Variants in RPS6KC1 observed in about 807,000 individuals in gnomAD.
RPS6KC1 encodes ribosomal protein S6 kinase C1.
In RPS6KC1, 54 loss-of-function variants were observed where a neutral mutation model predicts 103.8. The ratio of observed to expected loss-of-function variants is 0.52; its 90% CI spans 0.42 to 0.65. The LOEUF (loss-of-function observed/expected upper bound fraction) is 0.65, where lower values mean the gene tolerates loss of function less well. RPS6KC1 is among the 30% of genes least tolerant of loss of function. The pLI is 0.00. For missense variants in RPS6KC1, 1,151 were observed against 1,253.8 expected, an observed-to-expected ratio of 0.92 and a Z score of 1.24; for synonymous variants, 439 against 438.7, an observed-to-expected ratio of 1.00 and a Z score of -0.01.
rs147715270 is a variant in RPS6KC1 at position 213,082,485 on chromosome 1, G to A, written c.262+4669G>A. ...ATTAGTTGGAGCCTCATGGTATTCG[G>A]TAAGACTGCAAGTGAGGTTTCCCAA... On this transcript the variant is annotated intron_variant, in intron 3 of 14. Coordinates refer to ENST00000366960, the MANE Select transcript of RPS6KC1 (RefSeq NM_012424.6). 1.4e-4 allele frequency among the ~76,000 whole-genome samples: 22 copies of A among 152,206 alleles called. No homozygotes were observed. The East Asian group carries it at 4.3e-3, about 29-fold the overall frequency.
chr1:213,727,209 C>G, the RPS6KC1 span, among the ~76,000 whole-genome samples: 1 of 152,174 alleles, frequency 6.6e-6, no homozygotes, highest in Non-Finnish European at 1.5e-5. Context: ...ATTAATAGAT[C>G]ATCTAGAAAA....
chr1:213,573,547 G>A, the RPS6KC1 span, among the ~76,000 whole-genome samples: 1 of 152,184 alleles, frequency 6.6e-6, no homozygotes, highest in Non-Finnish European at 1.5e-5. Context: ...GTGAAAAGAA[G>A]CAGGGAAAAA....
At chr1:213,616,866 G>A in the RPS6KC1 span, among the ~76,000 whole-genome samples, 10 of 152,302 alleles carry the variant, frequency 6.6e-5, no homozygotes, top group Middle Eastern at 3.4e-3. Context: ...TCTGTGAGCA[G>A]AAGCAGGGCA....
intron 6 of RPS6KC1, among the ~76,000 whole-genome samples, chr1:213,132,401 C>T (rs1333513813): frequency 6.6e-6 from 1 of 152,076 alleles, no homozygotes; most frequent in African/African-American, 2.4e-5. Flanking sequence ...TCATAGAATT[C>T]TAATTTTTAA....
At chr1:213,088,591 A>G (rs1363303213) in intron 3 of RPS6KC1, among the ~76,000 whole-genome samples, 1 of 152,144 alleles carries the variant, frequency 6.6e-6, no homozygotes, top group Non-Finnish European at 1.5e-5. Context: ...TCCTGAGCAC[A>G]AAGTGATCTG....
chr1:213,575,506 T>G, the RPS6KC1 span, among the ~76,000 whole-genome samples: 3 of 152,288 alleles, frequency 2.0e-5, no homozygotes, highest in Admixed American at 1.3e-4. Flanking sequence ...TCTCTTGAGA[T>G]CTGATGGTTT....
At chr1:213,591,665 G>A in the RPS6KC1 span, among the ~76,000 whole-genome samples, 6 of 152,296 alleles carry the variant, frequency 3.9e-5, no homozygotes, top group African/African-American at 1.4e-4. Flanking sequence ...GGGCCCCTGG[G>A]TAGCAGATTC....
At chr1:213,743,887 C>A in the RPS6KC1 span, among the ~76,000 whole-genome samples, 1 of 152,148 alleles carries the variant, frequency 6.6e-6, no homozygotes, top group African/African-American at 2.4e-5. Flanking sequence ...GTGTCCCCTG[C>A]AAACTATATC....
At chr1:213,349,543 C>T in the RPS6KC1 span, among the ~76,000 whole-genome samples, 1 of 152,180 alleles carries the variant, frequency 6.6e-6, no homozygotes, top group East Asian at 1.9e-4. Flanking sequence ...AGGCAGAACT[C>T]AGGCTGGAGT....
intron 6 of RPS6KC1, among the ~76,000 whole-genome samples, chr1:213,140,041 T>C (rs1285198279): frequency 2.6e-5 from 4 of 152,112 alleles, no homozygotes; most frequent in African/African-American, 9.7e-5. Context: ...ATAATTCTCA[T>C]TGTAGAGATC....
the RPS6KC1 span, among the ~76,000 whole-genome samples, chr1:213,368,519 G>A: frequency 1.1e-3 from 165 of 152,334 alleles, no homozygotes; most frequent in Admixed American, 1.8e-3. Flanking sequence ...ACTTAGGGGA[G>A]GAGATGGGAA....
At chr1:213,587,287 T>G in the RPS6KC1 span, among the ~76,000 whole-genome samples, 1 of 151,680 alleles carries the variant, frequency 6.6e-6, no homozygotes, top group Non-Finnish European at 1.5e-5. Context: ...CTATCAAGGG[T>G]GGGGATAGAG....
the RPS6KC1 span, among the ~76,000 whole-genome samples, chr1:213,413,103 G>A: frequency 6.6e-6 from 1 of 152,194 alleles, no homozygotes; most frequent in Non-Finnish European, 1.5e-5. Flanking sequence ...ATGTGACGGA[G>A]TATGTGTATT....
the RPS6KC1 span, among the ~76,000 whole-genome samples, chr1:213,337,456 T>A: frequency 6.6e-6 from 1 of 152,238 alleles, no homozygotes. Context: ...TCCAGTTCTG[T>A]GCCTCTAGAC....
At chr1:213,544,924 A>G in the RPS6KC1 span, among the ~76,000 whole-genome samples, 9 of 152,256 alleles carry the variant, frequency 5.9e-5, no homozygotes, top group South Asian at 1.9e-3. Context: ...TCAGCATCAC[A>G]CTTGGTATCT....
At chr1:213,289,072 C>A in the RPS6KC1 span, among the ~76,000 whole-genome samples, 1 of 152,130 alleles carries the variant, frequency 6.6e-6, no homozygotes, top group African/African-American at 2.4e-5. Context: ...GTTCCTCAGG[C>A]GCCCCCAGCC....
chr1:213,704,257 G>A, the RPS6KC1 span, among the ~76,000 whole-genome samples: 6 of 150,904 alleles, frequency 4.0e-5, no homozygotes, highest in Non-Finnish European at 8.9e-5. Context: ...CGAGGTGGCG[G>A]GCGCCTGTAG....
chr1:213,331,078 G>A, the RPS6KC1 span, among the ~76,000 whole-genome samples: 1 of 152,222 alleles, frequency 6.6e-6, no homozygotes, highest in Non-Finnish European at 1.5e-5. Context: ...TAAACATTTA[G>A]CCATTGCATT....
At chr1:213,085,165 C>T (rs2080269055) in intron 3 of RPS6KC1, among the ~76,000 whole-genome samples, 1 of 152,200 alleles carries the variant, frequency 6.6e-6, no homozygotes. Context: ...CCTCTTTCAG[C>T]TTTTCGTAGC....
Sources: gnomAD v4.1 joint callset for allele counts (sites outside exome capture counted in the v4.1 genomes callset) on GRCh38, gnomAD v4.1.1 for gene constraint, MANE v1.5 for transcripts, NCBI Gene and HGNC (gene_info 2026-07-23, HGNC 2026-07-21) for gene names.